Variants in BST1 observed in about 807,000 individuals in gnomAD.
BST1 encodes the protein bone marrow stromal cell antigen 1.
In BST1, 49 loss-of-function variants were observed where a neutral mutation model predicts 40.6. The observed-to-expected ratio is 1.21, with a 90% CI of 0.96 to 1.53. BST1 has a LOEUF of 1.53. Ranked by LOEUF, BST1 falls within the 40% of genes most tolerant of loss-of-function variation. The probability of loss-of-function intolerance (pLI) is 0.00; values close to 1 mark genes in which losing one functional copy is unlikely to be tolerated. For missense variants in BST1, 423 were observed against 395.9 expected, an observed-to-expected ratio of 1.07 and a Z score of -0.58; for synonymous variants, 157 against 159.3, an observed-to-expected ratio of 0.99 and a Z score of 0.11.
chr4:15,743,654 G>A, the BST1 span: 1 of 230,038 alleles, frequency 4.3e-6, no homozygotes, highest in Non-Finnish European at 8.8e-6. Context: ...GTCTGTGCAG[G>A]GAAACAGTCT....
the BST1 span, among the ~76,000 whole-genome samples, chr4:15,767,480 T>C: frequency 1.3e-5 from 2 of 152,072 alleles, no homozygotes; most frequent in Admixed American, 1.3e-4. Flanking sequence ...ATTTTTTGTA[T>C]TTTTAGTAGA....
chr4:15,720,563 G>A (rs976305678), intron 7 of BST1, among the ~76,000 whole-genome samples: 17 of 146,956 alleles, frequency 1.2e-4, no homozygotes, highest in African/African-American at 4.0e-4. Flanking sequence ...GAGCCAGGGT[G>A]ACAAGAGCCT....
intron 8 of BST1, among the ~76,000 whole-genome samples, chr4:15,725,947 CT>C (rs1206237130): frequency 0.034 from 2,038 of 60,014 alleles, 9 homozygotes; most frequent in East Asian, 0.16. Flanking sequence ...GAAGTGCGGT[CT>C]TTTTTTTTTT....
chr4:15,772,200 C>T, the BST1 span, among the ~76,000 whole-genome samples: 1 of 152,082 alleles, frequency 6.6e-6, no homozygotes, highest in African/African-American at 2.4e-5. Context: ...TGTGGCAGGA[C>T]TCAGATGTTT....
chr4:15,750,807 T>G, the BST1 span, among the ~76,000 whole-genome samples: 1 of 151,302 alleles, frequency 6.6e-6, no homozygotes, highest in Non-Finnish European at 1.5e-5. Flanking sequence ...TAACTGGGTT[T>G]TTTTGTTCCT....
chr4:15,717,096 C>G (rs1338270218), intron 6 of BST1, among the ~76,000 whole-genome samples: 1 of 152,068 alleles, frequency 6.6e-6, no homozygotes, highest in East Asian at 1.9e-4. Context: ...GTTATTTTAA[C>G]AACACGTTCA....
chr4:15,715,790 G>C lies in BST1; in HGVS notation c.695G>C (p.Gly232Ala). 1 of 1,582,872 alleles carries C rather than the reference G, an allele frequency of 6.3e-7. No homozygotes were observed. The highest frequency in any genetic ancestry group is 8.6e-7 in the Non-Finnish European group (1 of 1,166,292). ...ATCTGGGTTATGCATGAAATTGGGG[G>C]ACCCAATGTGTAAGTTATGGTGATA... ...IEIWVMHEIG[G>A]PNVESCGEGS... The change falls in exon 6 of 9, where the codon GGA (glycine) becomes GCA (alanine). Residue 232 changes from glycine to alanine, a missense_variant. Transcript: ENST00000265016.
At chr4:15,749,809 G>A in the BST1 span, among the ~76,000 whole-genome samples, 1 of 152,038 alleles carries the variant, frequency 6.6e-6, no homozygotes, top group Non-Finnish European at 1.5e-5. Context: ...CACCCCCCGA[G>A]CATTTATCCT....
chr4:15,732,990 G>A (rs532165135), downstream of BST1, among the ~76,000 whole-genome samples: 11 of 152,272 alleles, frequency 7.2e-5, no homozygotes, highest in South Asian at 6.2e-4. Context: ...ATGAAGCTGC[G>A]GACCTTCGCG....
At chr4:15,773,390 A>G in the BST1 span, among the ~76,000 whole-genome samples, 3 of 152,226 alleles carry the variant, frequency 2.0e-5, no homozygotes, top group African/African-American at 4.8e-5. Flanking sequence ...ATGAGTCTGC[A>G]TTGCCTATGA....
chr4:15,712,018 A>G (rs1720244688), intron 4 of BST1, 129 bp downstream of exon 4: 2 of 697,790 alleles, frequency 2.9e-6, no homozygotes, highest in Non-Finnish European at 5.0e-6. Context: ...CTTTTACCAC[A>G]TCATGATTCA....
chr4:15,725,752 A>G (rs1721059888), intron 8 of BST1, among the ~76,000 whole-genome samples: 1 of 152,128 alleles, frequency 6.6e-6, no homozygotes, highest in Non-Finnish European at 1.5e-5. Context: ...GTTCTTACTG[A>G]GTTAGTCAGA....
chr4:15,771,861 T>C, the BST1 span, among the ~76,000 whole-genome samples: 2 of 152,224 alleles, frequency 1.3e-5, no homozygotes, highest in Non-Finnish European at 2.9e-5. Flanking sequence ...TAGCATACTA[T>C]ACAGTAGAAT....
chr4:15,771,837 A>C, the BST1 span, among the ~76,000 whole-genome samples: 1 of 152,258 alleles, frequency 6.6e-6, no homozygotes, highest in African/African-American at 2.4e-5. Flanking sequence ...ATACAGGTCT[A>C]GTTAAGTAAA....
chr4:15,741,709 T>C (rs4698120), downstream of BST1, among the ~76,000 whole-genome samples: 73,028 of 152,094 alleles, frequency 0.48, 18,987 homozygotes, highest in Middle Eastern at 0.64. Context: ...AATTTTAGTG[T>C]ATAAAGTTTT....
chr4:15,711,139 G>C (rs1263168985), intron 3 of BST1, among the ~76,000 whole-genome samples: 1 of 151,996 alleles, frequency 6.6e-6, no homozygotes, highest in Non-Finnish European at 1.5e-5. Context: ...CCATATCTTG[G>C]CTATTATGAA....
chr4:15,764,862 G>C, the BST1 span, among the ~76,000 whole-genome samples: 34 of 151,712 alleles, frequency 2.2e-4, no homozygotes, highest in African/African-American at 8.3e-4. Flanking sequence ...TAAGTGACTA[G>C]AATTAGGTGA....
chr4:15,770,893 C>T, the BST1 span, among the ~76,000 whole-genome samples: 11 of 152,204 alleles, frequency 7.2e-5, no homozygotes, highest in African/African-American at 2.2e-4. Flanking sequence ...ATTTTTCAGC[C>T]TGTTCGACAG....
chr4:15,723,750 A>G (rs1720952576), intron 8 of BST1: 1 of 496,704 alleles, frequency 2.0e-6, no homozygotes, highest in African/African-American at 2.1e-5. Context: ...TTAAATTTTG[A>G]TATGTTCTGA....
Sources: gnomAD v4.1 joint callset for allele counts (sites outside exome capture counted in the v4.1 genomes callset) on GRCh38, gnomAD v4.1.1 for gene constraint, MANE v1.5 for transcripts, NCBI Gene and HGNC (gene_info 2026-07-23, HGNC 2026-07-21) for gene names.